Variants in PXDNL observed in about 807,000 individuals in gnomAD.
PXDNL encodes the protein peroxidasin like.
PXDNL carries 145 observed loss-of-function variants against 150.8 expected under a neutral mutation model. That is an observed-to-expected ratio of 0.96 (90% confidence interval 0.84 to 1.10). The LOEUF is 1.10. Among genes scored for constraint, PXDNL ranks in the 50% least tolerant of loss-of-function variants. The pLI is 0.00. For synonymous variants in PXDNL, 757 were observed against 725.7 expected (o/e 1.04, Z -0.69); for missense variants, 2,087 against 1,873.9 (o/e 1.11, Z -2.10).
At chr8:51,415,369 G>C (rs1246753378) in intron 14 of PXDNL, among the ~76,000 whole-genome samples, 1 of 152,156 alleles carries the variant, frequency 6.6e-6, no homozygotes, top group Non-Finnish European at 1.5e-5. Flanking sequence ...CACTGGGGAG[G>C]CCTTAGGAAG....
chr8:51,461,592 C>T (rs1238650749), intron 8 of PXDNL, among the ~76,000 whole-genome samples: 1 of 152,232 alleles, frequency 6.6e-6, no homozygotes, highest in African/African-American at 2.4e-5. Flanking sequence ...CTGCCATTGA[C>T]CTCCTACACA....
At chr8:51,324,344 T>G (rs1805420724) in intron 21 of PXDNL, among the ~76,000 whole-genome samples, 1 of 124,916 alleles carries the variant, frequency 8.0e-6, no homozygotes, top group Non-Finnish European at 1.6e-5. Context: ...TGGACATCCT[T>G]GCCTTGTTTG....
intron 20 of PXDNL, chr8:51,340,192 A>T (rs1805947409): frequency 6.5e-6 from 1 of 153,300 alleles, no homozygotes; most frequent in South Asian, 2.0e-4. Flanking sequence ...CATGGCAAGA[A>T]CTAAAATAAG....
At position 51,320,015 on chromosome 8, in the gene PXDNL, T is replaced by G. The variant is rs750073700; in HGVS notation, c.4268A>C (p.Gln1423Pro). 1 of 1,518,758 alleles carries G rather than the reference T, an allele frequency of 6.6e-7. No individual in the cohort carries two copies. Among genetic ancestry groups the G allele is most frequent in the Non-Finnish European group, 8.8e-7 (1 of 1,135,230 alleles). 94.1% of individuals were successfully genotyped at this position (1,518,758 alleles called of 1,614,324 possible). A position where few individuals can be genotyped will look rare whatever the true frequency, so the allele number is the denominator to read the frequency against. The change falls in exon 23 of 23, where the codon CAG (glutamine) becomes CCG (proline). Residue 1423 changes from glutamine (Q) to proline (P), a missense_variant. Transcript: ENST00000356297. ...DCTHCICESG[Q>P]VTCVVEICPP... ...ACAAATCTCCACCACACAGGTGACC[T>G]GGCCACTCTGAAAGGCAGCATGCAC...
At chr8:51,448,434 G>A (rs1363615451) in intron 11 of PXDNL, among the ~76,000 whole-genome samples, 3 of 152,236 alleles carry the variant, frequency 2.0e-5, no homozygotes, top group Admixed American at 6.5e-5. Context: ...GCCGGGCGCG[G>A]TGGCTCACTC....
chr8:51,590,835 T>C (rs1013593567), intron 3 of PXDNL, among the ~76,000 whole-genome samples: 5 of 152,194 alleles, frequency 3.3e-5, no homozygotes, highest in African/African-American at 1.2e-4. Context: ...CTTTGGACTT[T>C]TGAGTTTGTG....
chr8:51,726,879 C>A (rs1236979559), intron 1 of PXDNL, among the ~76,000 whole-genome samples: 1 of 152,166 alleles, frequency 6.6e-6, no homozygotes, highest in East Asian at 1.9e-4. Flanking sequence ...TTTCAAAGTA[C>A]TACTAGATTC....
intron 20 of PXDNL, among the ~76,000 whole-genome samples, chr8:51,343,304 C>T (rs1806044526): frequency 6.6e-6 from 1 of 152,116 alleles, no homozygotes; most frequent in South Asian, 2.1e-4. Flanking sequence ...ATTTGACCTC[C>T]TCTGGTCTAA....
intron 17 of PXDNL, among the ~76,000 whole-genome samples, chr8:51,377,631 G>T (rs769177596): frequency 6.6e-6 from 1 of 152,340 alleles, no homozygotes; most frequent in Admixed American, 6.5e-5. Flanking sequence ...GGCACCACCC[G>T]TCCCAGGCAG....
chr8:51,651,482 A>G (rs1454798661), intron 2 of PXDNL, among the ~76,000 whole-genome samples: 3 of 152,118 alleles, frequency 2.0e-5, no homozygotes, highest in Admixed American at 2.0e-4. Flanking sequence ...AAACAATTGG[A>G]AGGACCAGAA....
At chr8:51,380,977 C>G (rs901955472) in intron 17 of PXDNL, among the ~76,000 whole-genome samples, 1 of 152,036 alleles carries the variant, frequency 6.6e-6, no homozygotes, top group South Asian at 2.1e-4. Flanking sequence ...TGAAACGAAC[C>G]TATTATGATC....
intron 5 of PXDNL, among the ~76,000 whole-genome samples, chr8:51,495,637 G>A (rs1273291132): frequency 1.3e-5 from 2 of 152,098 alleles, no homozygotes; most frequent in Non-Finnish European, 2.9e-5. Flanking sequence ...TACCATCAGA[G>A]AATACTATAA....
intron 19 of PXDNL, among the ~76,000 whole-genome samples, chr8:51,357,634 G>A (rs1806553934): frequency 6.6e-6 from 1 of 152,128 alleles, no homozygotes; most frequent in Admixed American, 6.5e-5. Context: ...AAAATAACAT[G>A]GGCAGAGAAA....
chr8:51,408,841 G>T lies in PXDNL; in HGVS notation c.2783C>A (p.Pro928His). ...AAAGGGCAATAAGGGCTTTCCGGAG[G>T]GAGGCCAAGGAAAGCCTGTCTTCAG... ...GLLKTGFPWPPSGKPLLPFST... is the reference protein window; with the variant it reads ...GLLKTGFPWPHSGKPLLPFST... The change falls in exon 17 of 23, where the codon CCC becomes CAC. Residue 928 changes from proline (P) to histidine (H), a missense_variant. Transcript: ENST00000356297. 1 of 1,575,864 alleles carries T rather than the reference G, an allele frequency of 6.3e-7. No individual in the cohort carries two copies. Among genetic ancestry groups the T allele is most frequent in the Non-Finnish European group, 8.6e-7 (1 of 1,161,962 alleles).
chr8:51,735,262 C>T (rs1348063256), intron 1 of PXDNL, among the ~76,000 whole-genome samples: 1 of 151,946 alleles, frequency 6.6e-6, no homozygotes, highest in Non-Finnish European at 1.5e-5. Context: ...GAGTGGATCA[C>T]TTGAGGTCAG....
At chr8:51,758,698 C>T (rs2037129525) in intron 1 of PXDNL, among the ~76,000 whole-genome samples, 2 of 152,166 alleles carry the variant, frequency 1.3e-5, no homozygotes, top group Admixed American at 1.3e-4. Flanking sequence ...GAAGAAGGTG[C>T]CTTCCCTTCA....
At chr8:51,391,653 A>G (rs1807913512) in intron 17 of PXDNL, among the ~76,000 whole-genome samples, 2 of 152,122 alleles carry the variant, frequency 1.3e-5, no homozygotes, top group Non-Finnish European at 2.9e-5. Context: ...CTGTCAGATG[A>G]GCAGGTTGCG....
intron 17 of PXDNL, among the ~76,000 whole-genome samples, chr8:51,404,005 C>T (rs933297034): frequency 2.0e-5 from 3 of 152,104 alleles, no homozygotes; most frequent in Non-Finnish European, 2.9e-5. Flanking sequence ...TGCAGACCTT[C>T]GCAGTGAGTG....
chr8:51,681,035 G>A (rs879354595), intron 1 of PXDNL, among the ~76,000 whole-genome samples: 20 of 152,068 alleles, frequency 1.3e-4, no homozygotes, highest in Non-Finnish European at 1.6e-4. Flanking sequence ...AGAAGAGAGA[G>A]CTAACTGTCA....
Sources: gnomAD v4.1 joint callset for allele counts (sites outside exome capture counted in the v4.1 genomes callset) on GRCh38, gnomAD v4.1.1 for gene constraint, MANE v1.5 for transcripts, NCBI Gene and HGNC (gene_info 2026-07-23, HGNC 2026-07-21) for gene names.